CPS1: variants seen among roughly 807,000 people sequenced by gnomAD.
The protein encoded by CPS1 is carbamoyl-phosphate synthase [ammonia], mitochondrial.
Under a neutral mutation model 174.6 loss-of-function variants are expected in CPS1, and 109 were observed. The ratio of observed to expected loss-of-function variants is 0.62; its 90% CI spans 0.53 to 0.73. The LOEUF (loss-of-function observed/expected upper bound fraction) is 0.73, where lower values mean the gene tolerates loss of function less well. Ranked by LOEUF, CPS1 falls within the 30% of genes least tolerant of loss-of-function variation. The pLI is 0.00. For synonymous variants in CPS1, 637 were observed against 632.0 expected, an observed-to-expected ratio of 1.01 and a Z score of -0.12; for missense variants, 1,689 against 1,821.9, an observed-to-expected ratio of 0.93 and a Z score of 1.33.
intron 21 of CPS1, chr2:210,618,261 A>G (rs1320360183): frequency 6.6e-6 from 1 of 152,070 alleles, no homozygotes; most frequent in Non-Finnish European, 1.5e-5. Flanking sequence ...TTCTGGCATA[A>G]ATATATTTGT....
chr2:210,502,433 GAT>G (rs1695166552), intron 1 of CPS1, among the ~76,000 whole-genome samples: 1 of 144,156 alleles, frequency 6.9e-6, no homozygotes, highest in Non-Finnish European at 1.5e-5. Context: ...ATAAAAGAGA[GAT>G]ATAGAGATAT....
chr2:210,632,494 T>C (rs1273883369), intron 21 of CPS1, among the ~76,000 whole-genome samples: 6 of 152,352 alleles, frequency 3.9e-5, no homozygotes, highest in Non-Finnish European at 7.3e-5. Flanking sequence ...GTCAATTTTC[T>C]ACTGTGTATA....
chr2:210,579,218 TC>T (rs1559086120), intron 4 of CPS1, among the ~76,000 whole-genome samples: 1 of 152,166 alleles, frequency 6.6e-6, no homozygotes, highest in Non-Finnish European at 1.5e-5. Context: ...ACCACATGTG[TC>T]TCTATCCAAC....
intron 1 of CPS1, among the ~76,000 whole-genome samples, chr2:210,515,546 A>C (rs577141304): frequency 5.1e-4 from 78 of 151,496 alleles, no homozygotes; most frequent in African/African-American, 1.7e-3. Flanking sequence ...GATTGGTGCT[A>C]ATGTCACTTT....
intron 21 of CPS1, among the ~76,000 whole-genome samples, chr2:210,631,503 C>A (rs986116637): frequency 6.6e-6 from 1 of 152,118 alleles, no homozygotes; most frequent in Non-Finnish European, 1.5e-5. Context: ...AGAAGCCGAG[C>A]CATGCTGTCT....
At chr2:210,611,604 G>A (rs1465783122) in intron 19 of CPS1, among the ~76,000 whole-genome samples, 1 of 151,874 alleles carries the variant, frequency 6.6e-6, no homozygotes, top group African/African-American at 2.4e-5. Context: ...ATCAGTATTT[G>A]TTATGACTCT....
intron 14 of CPS1, 121 bp from the exon 15 acceptor site, chr2:210,600,434 A>G (rs889181974): frequency 5.3e-6 from 5 of 947,470 alleles, no homozygotes; most frequent in East Asian, 2.5e-5. Context: ...GTGCAATTCT[A>G]TTGTAGACAG....
chr2:210,525,729 TG>T (rs1695954728), intron 1 of CPS1, among the ~76,000 whole-genome samples: 5 of 151,338 alleles, frequency 3.3e-5, no homozygotes, highest in Admixed American at 2.7e-4. Context: ...ATAGCTGGGC[TG>T]AGCCTTAGGA....
chr2:210,660,268 C>T (rs1700873318), intron 31 of CPS1, among the ~76,000 whole-genome samples: 1 of 151,962 alleles, frequency 6.6e-6, no homozygotes, highest in Non-Finnish European at 1.5e-5. Flanking sequence ...CATGGGAATG[C>T]AATTTGGAAA....
intron 1 of CPS1, among the ~76,000 whole-genome samples, chr2:210,482,090 C>T (rs114774575): frequency 2.1e-3 from 322 of 152,284 alleles, no homozygotes; most frequent in African/African-American, 7.5e-3. Flanking sequence ...ATGAAATTCT[C>T]AGGACTAATT....
chr2:210,497,918 A>ATATATATATATATATATC (rs970136471), intron 1 of CPS1, among the ~76,000 whole-genome samples: 3 of 142,192 alleles, frequency 2.1e-5, no homozygotes, highest in Non-Finnish European at 3.0e-5. Flanking sequence ...ATATATATAT[A>ATATATATATATATATATC]TCTCCAGTAA....
At chr2:210,662,481 A>G (rs1035480481) in intron 32 of CPS1, among the ~76,000 whole-genome samples, 1 of 152,212 alleles carries the variant, frequency 6.6e-6, no homozygotes, top group Non-Finnish European at 1.5e-5. Flanking sequence ...TCCATGTACC[A>G]GATAAGTGGA....
chr2:210,582,751 C>T, intron 6 of CPS1, 42 bp downstream of exon 6: 1 of 1,388,618 alleles, frequency 7.2e-7, no homozygotes, highest in Non-Finnish European at 1.0e-6. Flanking sequence ...TATTTGATCC[C>T]ATTTAGACCT....
intron 1 of CPS1, among the ~76,000 whole-genome samples, chr2:210,560,697 G>A (rs1389410417): frequency 6.6e-6 from 1 of 152,086 alleles, no homozygotes; most frequent in Non-Finnish European, 1.5e-5. Context: ...AGGAGCTATT[G>A]TCATTTGATT....
chr2:210,650,630 C>A (rs185801586), intron 28 of CPS1, among the ~76,000 whole-genome samples, 192 bp downstream of exon 28: 158 of 152,176 alleles, frequency 1.0e-3, no homozygotes, highest in African/African-American at 3.5e-3. Flanking sequence ...GAATGAGAAA[C>A]CTTGAAGGCA....
Position 210,644,521 on chromosome 2 carries a change from C to T in CPS1, c.3141+1856C>T, listed in dbSNP as rs1262280313. 2.0e-5 allele frequency among the ~76,000 whole-genome samples: 3 copies of T among 151,980 alleles called. No individual in the cohort carries two copies. In the South Asian group the frequency reaches 6.2e-4, roughly 32 times the overall value. On this transcript the variant is annotated intron_variant, in intron 25 of 37. Coordinates refer to ENST00000233072, the MANE Select transcript of CPS1 (RefSeq NM_001875.5). ...ACATGTAAATTAGTAAAATATAAAGCATCATCCTTCTCATTGGCAGGTGTA... is the reference window on the plus strand; with the variant it reads ...ACATGTAAATTAGTAAAATATAAAGTATCATCCTTCTCATTGGCAGGTGTA...
At position 210,669,384 on chromosome 2, in the gene CPS1, G is replaced by T. The variant is rs181229489; in HGVS notation, c.4101+1100G>T. ...TTGGGTCCTATGAAAAACAACAAAT[G>T]GTCTTATATAATATCCCTGCTGTGC... On this transcript the variant is annotated intron_variant, in intron 34 of 37. Coordinates refer to ENST00000233072, the MANE Select transcript of CPS1 (RefSeq NM_001875.5). 6.3e-3 allele frequency among the ~76,000 whole-genome samples: 958 copies of T among 152,078 alleles called. 13 individuals are homozygous for T. The highest frequency in any genetic ancestry group is 0.022 in the African/African-American group (906 of 41,498).
chr2:210,612,168 A>T lies in CPS1; in HGVS notation c.2443A>T (p.Met815Leu). 6.2e-7 allele frequency: 1 copy of T among 1,612,252 alleles called. No individual in the cohort carries two copies. The highest frequency in any genetic ancestry group is 8.5e-7 in the Non-Finnish European group (1 of 1,178,838). The change falls in exon 20 of 38, where the codon ATG becomes TTG. Residue 815 changes from methionine (M) to leucine (L), a missense_variant. By Grantham distance (15) the Met-to-Leu change is conservative. Transcript: ENST00000233072. The part of the protein sequence containing the change: ...FEESFQKALR[M>L]CHPSIEGFTP... ...GGAGAGTTTCCAGAAAGCTTTACGG[A>T]TGTGCCACCCATCTATAGAAGGTTT...
intron 1 of CPS1, among the ~76,000 whole-genome samples, chr2:210,531,458 T>C (rs1223617507): frequency 2.0e-5 from 3 of 152,252 alleles, no homozygotes; most frequent in Admixed American, 6.5e-5. Context: ...AAGTAATCAA[T>C]TGGGAACATT....
Sources: allele counts gnomAD v4.1 joint callset (sites outside exome capture counted in the v4.1 genomes callset), GRCh38; gene constraint gnomAD v4.1.1; transcripts MANE v1.5; gene names NCBI Gene and HGNC (gene_info 2026-07-23, HGNC 2026-07-21).